The following RERG variants were observed in gnomAD, a reference collection of about 807,000 sequenced individuals.
RERG encodes the protein ras-related and estrogen-regulated growth inhibitor.
In RERG, 25 loss-of-function variants were observed where a neutral mutation model predicts 23.2. The observed-to-expected ratio is 1.08, with a 90% confidence interval of 0.79 to 1.50. The LOEUF is 1.50. Ranked by LOEUF, RERG falls within the 40% of genes most tolerant of loss-of-function variation. The pLI is 0.00. For synonymous variants in RERG, 81 were observed against 89.1 expected (o/e 0.91, Z 0.51); for missense variants, 253 against 250.1 (o/e 1.01, Z -0.08).
chr12:15,152,039 T>C (rs886530300), intron 2 of RERG: 1 of 152,216 alleles, frequency 6.6e-6, no homozygotes, highest in Non-Finnish European at 1.5e-5. Flanking sequence ...ACAAGGCACA[T>C]GAAATAACCC....
chr12:15,173,712 A>C (rs903504979), intron 2 of RERG, among the ~76,000 whole-genome samples: 2 of 151,302 alleles, frequency 1.3e-5, no homozygotes, highest in African/African-American at 4.9e-5. Flanking sequence ...TTTATACTTA[A>C]GTATTTTATT....
intron 2 of RERG, among the ~76,000 whole-genome samples, chr12:15,146,761 G>GT (rs1864339951): frequency 6.6e-6 from 1 of 152,194 alleles, no homozygotes. Context: ...ACTGACAACT[G>GT]TGAGTTAAGC....
chr12:15,109,280 A>G lies in RERG; in HGVS notation c.430T>C (p.Phe144Leu). The change falls in exon 5 of 5, where the codon TTT becomes CTT. Residue 144 changes from phenylalanine (F) to leucine (L), a missense_variant. Coordinates refer to ENST00000256953, the MANE Select transcript of RERG (RefSeq NM_032918.3). ...CCAGTGCAGGCAGAGCACTCGTAAA[A>G]AGCACAAGCCAATTCTGTGGCCAGC... The part of the protein sequence containing the change: ...EKLATELACA[F>L]YECSACTGEG... 6.2e-7 allele frequency: 1 copy of G among 1,614,102 alleles called. No homozygotes were observed.
intron 2 of RERG, among the ~76,000 whole-genome samples, chr12:15,183,280 C>A (rs374880153): frequency 1.3e-5 from 2 of 152,112 alleles, no homozygotes; most frequent in East Asian, 3.9e-4. Flanking sequence ...TAAATTTCAA[C>A]ACAAATCTCT....
chr12:15,206,882 T>C (rs542035141), intron 2 of RERG, among the ~76,000 whole-genome samples: 1 of 152,256 alleles, frequency 6.6e-6, no homozygotes, highest in South Asian at 2.1e-4. Context: ...TCTGTAGCAA[T>C]GTGTCTTGAT....
intron 2 of RERG, among the ~76,000 whole-genome samples, chr12:15,173,251 T>C (rs1372516155): frequency 6.6e-6 from 1 of 152,022 alleles, no homozygotes; most frequent in Non-Finnish European, 1.5e-5. Flanking sequence ...ACTGTGTTGG[T>C]ACCTCTGCCA....
intron 2 of RERG, among the ~76,000 whole-genome samples, chr12:15,148,847 G>GTTTTTTTTT (rs56033971): frequency 6.6e-5 from 3 of 45,528 alleles, no homozygotes; most frequent in African/African-American, 1.2e-4. Context: ...CTTTAACTCT[G>GTTTTTTTTT]TTTTTTTTTT....
chr12:15,196,561 CCT>C (rs1865147473), intron 2 of RERG, among the ~76,000 whole-genome samples: 1 of 152,110 alleles, frequency 6.6e-6, no homozygotes, highest in Non-Finnish European at 1.5e-5. Context: ...AGACTGTAGA[CCT>C]TGCACCAAAA....
chr12:15,167,448 C>A (rs1432629577), intron 2 of RERG, among the ~76,000 whole-genome samples: 1 of 152,102 alleles, frequency 6.6e-6, no homozygotes, highest in African/African-American at 2.4e-5. Flanking sequence ...GGACCCCGGC[C>A]CCGGGGTTTC....
chr12:15,109,270 C>G lies in RERG; in HGVS notation c.440G>C (p.Cys147Ser). 6.2e-7 allele frequency: 1 copy of G among 1,614,150 alleles called. No individual in the cohort carries two copies. The highest frequency in any genetic ancestry group is 8.5e-7 in the Non-Finnish European group (1 of 1,180,010). The change falls in exon 5 of 5, where the codon TGC becomes TCC. Residue 147 changes from cysteine to serine, a missense_variant. Transcript: ENST00000256953. Reference protein sequence around the residue: ...ATELACAFYECSACTGEGNIT... With the variant: ...ATELACAFYESSACTGEGNIT... ...GTTCCCTTCTCCAGTGCAGGCAGAGCACTCGTAAAAAGCACAAGCCAATTC... is the reference window on the plus strand; with the variant it reads ...GTTCCCTTCTCCAGTGCAGGCAGAGGACTCGTAAAAAGCACAAGCCAATTC...
intron 2 of RERG, among the ~76,000 whole-genome samples, chr12:15,194,962 T>C (rs1865122041): frequency 6.6e-6 from 1 of 152,090 alleles, no homozygotes; most frequent in South Asian, 2.1e-4. Context: ...CCATCAAAAA[T>C]TGATAGTTTT....
intron 2 of RERG, among the ~76,000 whole-genome samples, chr12:15,172,827 T>C (rs1864795102): frequency 6.6e-6 from 1 of 152,076 alleles, no homozygotes; most frequent in Admixed American, 6.6e-5. Context: ...AATTTGGTTA[T>C]TCATCTTTTC....
intron 2 of RERG, among the ~76,000 whole-genome samples, chr12:15,177,507 C>G (rs1309434054): frequency 6.6e-6 from 1 of 152,078 alleles, no homozygotes; most frequent in African/African-American, 2.4e-5. Flanking sequence ...TATAATTTAG[C>G]CTTCTTATTT....
At chr12:15,217,108 G>C (rs1865450044) in intron 2 of RERG, 1 of 231,278 alleles carries the variant, frequency 4.3e-6, no homozygotes, top group East Asian at 9.8e-5. Flanking sequence ...CTCATACATA[G>C]AGAAAAGAAC....
intron 3 of RERG, among the ~76,000 whole-genome samples, chr12:15,115,110 A>G (rs1863695867): frequency 1.3e-5 from 2 of 151,716 alleles, no homozygotes; most frequent in Non-Finnish European, 2.9e-5. Context: ...ATATATATAA[A>G]TATATAAAAG....
intron 2 of RERG, among the ~76,000 whole-genome samples, chr12:15,193,565 A>C (rs1417362458): frequency 6.6e-6 from 1 of 152,134 alleles, no homozygotes; most frequent in Non-Finnish European, 1.5e-5. Flanking sequence ...CTCTACACTC[A>C]TCCCATGCTG....
At chr12:15,187,810 C>A (rs151007322) in intron 2 of RERG, among the ~76,000 whole-genome samples, 1 of 151,908 alleles carries the variant, frequency 6.6e-6, no homozygotes, top group African/African-American at 2.4e-5. Flanking sequence ...CCACCCGCCT[C>A]GGCCTCCCAA....
intron 2 of RERG, among the ~76,000 whole-genome samples, chr12:15,182,580 T>C (rs900492712): frequency 6.6e-6 from 1 of 152,188 alleles, no homozygotes; most frequent in Non-Finnish European, 1.5e-5. Flanking sequence ...TAAACATTTC[T>C]ATAATTCTAA....
At chr12:15,139,014 C>CTTTTTTTTTTTT (rs34755371) in intron 2 of RERG, among the ~76,000 whole-genome samples, 22 of 51,114 alleles carry the variant, frequency 4.3e-4, no homozygotes, top group East Asian at 1.2e-3. Flanking sequence ...TGTGTCTAGA[C>CTTTTTTTTTTTT]TTTTTTTTTT....
Sources: gnomAD v4.1 joint callset for allele counts (sites outside exome capture counted in the v4.1 genomes callset) on GRCh38, gnomAD v4.1.1 for gene constraint, MANE v1.5 for transcripts, NCBI Gene and HGNC (gene_info 2026-07-23, HGNC 2026-07-21) for gene names.